ANKRD44: variants seen among roughly 807,000 people sequenced by gnomAD.
ANKRD44 encodes the protein ankyrin repeat domain 44.
Under a neutral mutation model 116.0 loss-of-function variants are expected in ANKRD44, and 35 were observed. The ratio of observed to expected loss-of-function variants is 0.30; its 90% confidence interval spans 0.23 to 0.40. The LOEUF (loss-of-function observed/expected upper bound fraction) is 0.40. Ranked by LOEUF, ANKRD44 falls within the 10% of genes least tolerant of loss-of-function variation. The pLI is 1.00. For synonymous variants in ANKRD44, 435 were observed against 461.8 expected, an observed-to-expected ratio of 0.94 and a Z score of 0.74; for missense variants, 1,014 against 1,242.6, an observed-to-expected ratio of 0.82 and a Z score of 2.77.
At chr2:197,130,122 C>T (rs1044618392) in intron 4 of ANKRD44, among the ~76,000 whole-genome samples, 1 of 152,266 alleles carries the variant, frequency 6.6e-6, no homozygotes, top group African/African-American at 2.4e-5. Context: ...CTCTTAAGTC[C>T]TGCAGGCTTA....
intron 1 of ANKRD44, among the ~76,000 whole-genome samples, chr2:197,200,493 G>A (rs6742768): frequency 0.22 from 33,215 of 151,998 alleles, 3,850 homozygotes; most frequent in Middle Eastern, 0.28. Flanking sequence ...ACCACCACTC[G>A]CCAGACTCTG....
At chr2:197,216,013 T>C (rs1002074392) in intron 1 of ANKRD44, among the ~76,000 whole-genome samples, 16 of 152,174 alleles carry the variant, frequency 1.1e-4, no homozygotes, top group African/African-American at 3.4e-4. Context: ...GAACACAAAA[T>C]TTAAAGTCAA....
rs1436257070 is a variant in ANKRD44 at position 196,995,360 on chromosome 2, C to T, written c.2831+19G>A. ...ACTATGACCCTGGGTTCAAGTCCAA[C>T]TTTAGTAGTTACACTTACGTCTGCA... On this transcript the variant is annotated intron_variant, in intron 26 of 27. Coordinates refer to ENST00000282272, the MANE Select transcript of ANKRD44 (RefSeq NM_001195144.2). 3 of 1,586,874 alleles carry T rather than the reference C, an allele frequency of 1.9e-6. No homozygotes were observed. Among genetic ancestry groups the T allele is most frequent in the East Asian group, 2.2e-5 (1 of 44,738 alleles).
chr2:197,303,445 C>G (rs942589240), intron 1 of ANKRD44, among the ~76,000 whole-genome samples: 2 of 152,108 alleles, frequency 1.3e-5, no homozygotes, highest in African/African-American at 4.8e-5. Flanking sequence ...ATTTTTAAAA[C>G]AAACTAAAGC....
chr2:197,122,874 T>C, intron 6 of ANKRD44, 82 bp from the exon 7 acceptor site: 1 of 1,505,636 alleles, frequency 6.6e-7, no homozygotes, highest in East Asian at 2.3e-5. Context: ...TATCAACTAT[T>C]AGCTTTCATC....
At chr2:197,026,211 T>C (rs1217032794) in intron 16 of ANKRD44, among the ~76,000 whole-genome samples, 1 of 152,246 alleles carries the variant, frequency 6.6e-6, no homozygotes, top group Non-Finnish European at 1.5e-5. Context: ...CACTGTTCCC[T>C]GCACTGATAA....
At chr2:197,289,300 A>T (rs567721001) in intron 1 of ANKRD44, among the ~76,000 whole-genome samples, 6 of 152,374 alleles carry the variant, frequency 3.9e-5, no homozygotes, top group African/African-American at 1.4e-4. Context: ...TGGAGAAACT[A>T]ACCCATATGT....
intron 17 of ANKRD44, chr2:197,015,887 G>C: frequency 1.9e-6 from 1 of 515,254 alleles, no homozygotes; most frequent in South Asian, 1.6e-5. Context: ...GGAAATTATA[G>C]TGGGCGACAG....
At chr2:197,159,484 T>C (rs2079904308) in intron 2 of ANKRD44, among the ~76,000 whole-genome samples, 1 of 152,046 alleles carries the variant, frequency 6.6e-6, no homozygotes, top group Non-Finnish European at 1.5e-5. Context: ...ATAAAAGACT[T>C]TCCTATTAAA....
intron 2 of ANKRD44, among the ~76,000 whole-genome samples, chr2:197,183,121 G>T (rs1256924381): frequency 6.6e-6 from 1 of 152,082 alleles, no homozygotes; most frequent in East Asian, 1.9e-4. Flanking sequence ...AAATACTATT[G>T]GGGGAAATAA....
chr2:197,055,720 C>T (rs1270803289), intron 16 of ANKRD44, among the ~76,000 whole-genome samples: 1 of 152,152 alleles, frequency 6.6e-6, no homozygotes, highest in African/African-American at 2.4e-5. Context: ...GCACCTTTAT[C>T]ATTAATCAGG....
chr2:197,111,705 A>T (rs201554465), intron 8 of ANKRD44, among the ~76,000 whole-genome samples: 4 of 1,294 alleles, frequency 3.1e-3, no homozygotes, highest in Non-Finnish European at 0.018. Context: ...AATTCCATTT[A>T]AAAAAAAAAT....
intron 10 of ANKRD44, among the ~76,000 whole-genome samples, chr2:197,099,212 T>G (rs982114573): frequency 6.6e-6 from 1 of 152,180 alleles, no homozygotes; most frequent in Non-Finnish European, 1.5e-5. Flanking sequence ...TAAGTCTGTT[T>G]CATTTAGAAC....
intron 1 of ANKRD44, among the ~76,000 whole-genome samples, chr2:197,215,402 T>G (rs2081422168): frequency 6.6e-6 from 1 of 152,178 alleles, no homozygotes; most frequent in Non-Finnish European, 1.5e-5. Context: ...CCAAAGGTTT[T>G]GGCCGCATGA....
At chr2:196,994,767 A>G (rs1036971347) in intron 26 of ANKRD44, 3 of 150,674 alleles carry the variant, frequency 2.0e-5, no homozygotes, top group African/African-American at 4.9e-5. Context: ...AAGTAATCCA[A>G]CTGCCTCGGC....
rs762116147 is a variant in ANKRD44, at chr2:197,025,181, T to C, written c.1722+15A>G. 8 of 1,606,576 alleles carry C rather than the reference T, an allele frequency of 5.0e-6. No individual in the cohort carries two copies. Among genetic ancestry groups the C allele is most frequent in the Non-Finnish European group, 6.8e-6 (8 of 1,173,890 alleles). On this transcript the variant is annotated intron_variant, in intron 17 of 27. Coordinates refer to ENST00000282272, the MANE Select transcript of ANKRD44 (RefSeq NM_001195144.2). Reference sequence around the variant, plus strand: ...TTTTTGTAACAGGTGAAGCTGCTCATGGCATCTCACTTACAGCTAAGTGGA... The same window carrying C: ...TTTTTGTAACAGGTGAAGCTGCTCACGGCATCTCACTTACAGCTAAGTGGA...
Position 197,292,595 on chromosome 2 carries a change from G to T in ANKRD44, c.27+17983C>A, listed in dbSNP as rs112139894. ...CTTTGTATCTTTCCAACTTTGTGAT[G>T]AAAAACTTTAGATGTCAACCCCCCA... On this transcript the variant is annotated intron_variant, in intron 1 of 27. Coordinates refer to ENST00000282272, the MANE Select transcript of ANKRD44 (RefSeq NM_001195144.2). 1.8e-4 allele frequency among the ~76,000 whole-genome samples: 27 copies of T among 152,250 alleles called. 1 individual carries two copies. The highest frequency in any genetic ancestry group is 6.5e-4 in the African/African-American group (27 of 41,540).
At chr2:197,295,140 A>G (rs983570319) in intron 1 of ANKRD44, among the ~76,000 whole-genome samples, 1 of 152,244 alleles carries the variant, frequency 6.6e-6, no homozygotes, top group African/African-American at 2.4e-5. Flanking sequence ...TCCTGGAGAA[A>G]ATAATAAAAG....
intron 16 of ANKRD44, among the ~76,000 whole-genome samples, chr2:197,039,345 G>A (rs910574122): frequency 1.3e-5 from 2 of 152,190 alleles, no homozygotes; most frequent in Non-Finnish European, 2.9e-5. Context: ...GCTGATGCCA[G>A]CAAAATATGC....
Sources: allele counts gnomAD v4.1 joint callset (sites outside exome capture counted in the v4.1 genomes callset), GRCh38; gene constraint gnomAD v4.1.1; transcripts MANE v1.5; gene names NCBI Gene and HGNC (gene_info 2026-07-23, HGNC 2026-07-21).